The following TBC1D22A variants were observed in gnomAD, a reference collection of about 807,000 sequenced individuals.
TBC1D22A encodes the protein putative GTPase activator.
Under a neutral mutation model 60.2 loss-of-function variants are expected in TBC1D22A, and 38 were observed. That is an observed-to-expected ratio of 0.63 (90% CI 0.49 to 0.83). The LOEUF is 0.83. Among genes scored for constraint, TBC1D22A ranks in the 40% least tolerant of loss-of-function variants. TBC1D22A has a pLI of 0.00. For synonymous variants in TBC1D22A, 302 were observed against 281.7 expected, an observed-to-expected ratio of 1.07 and a Z score of -0.72; for missense variants, 628 against 701.0, an observed-to-expected ratio of 0.90 and a Z score of 1.18.
intron 12 of TBC1D22A, chr22:47,117,089 TC>T (rs2066090991): frequency 6.5e-6 from 1 of 153,634 alleles, no homozygotes; most frequent in East Asian, 1.9e-4. Context: ...GGGGTGGCCT[TC>T]CCGTAACAGT....
At chr22:47,160,028 A>C (rs568072579) in intron 12 of TBC1D22A, among the ~76,000 whole-genome samples, 1 of 151,862 alleles carries the variant, frequency 6.6e-6, no homozygotes, top group African/African-American at 2.4e-5. Flanking sequence ...ACACATGTGC[A>C]TCACACACCA....
At chr22:46,789,062 A>C (rs534870311) in intron 1 of TBC1D22A, 2 of 161,344 alleles carry the variant, frequency 1.2e-5, no homozygotes, top group Non-Finnish European at 2.7e-5. Context: ...GTTTGTCTCA[A>C]CCTTCTGCCA....
chr22:46,959,386 G>A (rs765939234), intron 8 of TBC1D22A, among the ~76,000 whole-genome samples: 1 of 152,212 alleles, frequency 6.6e-6, no homozygotes, highest in African/African-American at 2.4e-5. Flanking sequence ...GGTTGGCGGG[G>A]CCAGGTGCAG....
intron 8 of TBC1D22A, among the ~76,000 whole-genome samples, chr22:46,944,687 C>T (rs540299085): frequency 5.6e-4 from 85 of 152,346 alleles, no homozygotes; most frequent in Middle Eastern, 3.4e-3. Flanking sequence ...CGTGAGCCAC[C>T]GTGCCCAGCC....
intron 11 of TBC1D22A, among the ~76,000 whole-genome samples, chr22:47,055,868 G>C (rs1415287295): frequency 6.6e-6 from 1 of 152,070 alleles, no homozygotes; most frequent in African/African-American, 2.4e-5. Flanking sequence ...ACGCCACGGA[G>C]GGTTGATGAG....
chr22:47,116,211 C>T (rs1431506248), intron 12 of TBC1D22A: 1 of 152,284 alleles, frequency 6.6e-6, no homozygotes, highest in Non-Finnish European at 1.5e-5. Flanking sequence ...GTGGGAATGC[C>T]TTGTGAGGCT....
intron 11 of TBC1D22A, among the ~76,000 whole-genome samples, chr22:47,107,779 G>A (rs2065691064): frequency 6.6e-6 from 1 of 152,230 alleles, no homozygotes; most frequent in South Asian, 2.1e-4. Context: ...GTGAGGACTA[G>A]CACTAGCTGA....
intron 2 of TBC1D22A, 126 bp from the exon 3 acceptor site, chr22:46,793,375 C>A: frequency 1.1e-6 from 1 of 901,074 alleles, no homozygotes; most frequent in Admixed American, 2.5e-5. Context: ...TTTGCTTTTT[C>A]ACTCACTATT....
chr22:46,864,409 A>G (rs545084814), intron 4 of TBC1D22A, among the ~76,000 whole-genome samples: 35 of 152,316 alleles, frequency 2.3e-4, no homozygotes, highest in African/African-American at 8.2e-4. Flanking sequence ...ACTCTATCAC[A>G]TGATCAGGGA....
chr22:46,821,535 T>C (rs2085831461), intron 4 of TBC1D22A, among the ~76,000 whole-genome samples: 1 of 152,218 alleles, frequency 6.6e-6, no homozygotes, highest in Non-Finnish European at 1.5e-5. Context: ...TGTGAAATTT[T>C]GGGTTGAAAA....
At chr22:46,862,947 T>C (rs2087984532) in intron 4 of TBC1D22A, among the ~76,000 whole-genome samples, 1 of 152,230 alleles carries the variant, frequency 6.6e-6, no homozygotes, top group South Asian at 2.1e-4. Flanking sequence ...AAATTTTGCC[T>C]GTAGGTAGAG....
intron 8 of TBC1D22A, among the ~76,000 whole-genome samples, chr22:46,936,890 C>T (rs559481692): frequency 6.6e-6 from 1 of 152,274 alleles, no homozygotes; most frequent in African/African-American, 2.4e-5. Context: ...CAAAAATAAA[C>T]GAATGAGACT....
intron 4 of TBC1D22A, among the ~76,000 whole-genome samples, chr22:46,804,592 T>C (rs1468169924): frequency 6.6e-6 from 1 of 152,216 alleles, no homozygotes; most frequent in Non-Finnish European, 1.5e-5. Flanking sequence ...GCCGGCATCC[T>C]TTTTTCTGGG....
chr22:46,945,804 G>T (rs888184115), intron 8 of TBC1D22A, among the ~76,000 whole-genome samples: 3 of 152,122 alleles, frequency 2.0e-5, no homozygotes, highest in African/African-American at 7.2e-5. Flanking sequence ...CTGTAGAGGC[G>T]GGTCGAGGCA....
chr22:47,074,855 A>T (rs910677473), intron 11 of TBC1D22A, among the ~76,000 whole-genome samples: 9 of 152,142 alleles, frequency 5.9e-5, no homozygotes, highest in African/African-American at 2.2e-4. Context: ...CTCATTCATC[A>T]GTGTTCTTGT....
At chr22:47,005,565 A>G (rs903474801) in intron 10 of TBC1D22A, among the ~76,000 whole-genome samples, 2 of 151,530 alleles carry the variant, frequency 1.3e-5, no homozygotes, top group African/African-American at 4.9e-5. Context: ...ACACATATGC[A>G]TATAAACATA....
chr22:46,850,337 T>TGC (rs1390968900), intron 4 of TBC1D22A, among the ~76,000 whole-genome samples: 1 of 152,204 alleles, frequency 6.6e-6, no homozygotes, highest in Non-Finnish European at 1.5e-5. Context: ...TGTGTGTGTG[T>TGC]GCGTGTGCGC....
At position 46,777,044 on chromosome 22, in the gene TBC1D22A, A is replaced by C. The variant is rs1192215161; in HGVS notation, c.62+14196A>C. 6.6e-6 allele frequency among the ~76,000 whole-genome samples: 1 copy of C among 152,138 alleles called. No individual in the cohort carries two copies. The highest frequency in any genetic ancestry group is 1.9e-4 in the East Asian group (1 of 5,186). ...GATGGGTCAGGGCCAGGGCTGATGG[A>C]CAGGAGAAGAGAGATGTGTGGGAGG... On this transcript the variant is annotated intron_variant, in intron 1 of 12. Transcript: ENST00000337137. This position sits in a 1 kb window ranked among gnomAD's most constrained non-coding sequence, Gnocchi z 4.5.
chr22:47,111,854 G>A (rs112383035), intron 12 of TBC1D22A, among the ~76,000 whole-genome samples: 4,140 of 152,288 alleles, frequency 0.027, 156 homozygotes, highest in African/African-American at 0.091. Flanking sequence ...CAAGCTCCCT[G>A]CAGAACCTTC....
Sources: allele counts gnomAD v4.1 joint callset (sites outside exome capture counted in the v4.1 genomes callset), GRCh38; gene constraint gnomAD v4.1.1; non-coding constraint Gnocchi (gnomAD v3.1); transcripts MANE v1.5; gene names NCBI Gene and HGNC (gene_info 2026-07-23, HGNC 2026-07-21).